Variants in TENM2 observed in about 807,000 individuals in gnomAD.
The protein encoded by TENM2 is teneurin-2.
TENM2 carries 52 observed loss-of-function variants against 245.2 expected under a neutral mutation model. The observed-to-expected ratio is 0.21, with a 90% confidence interval of 0.17 to 0.27. TENM2 has a LOEUF of 0.27. TENM2 is among the 10% of genes least tolerant of loss of function. The probability of loss-of-function intolerance (pLI) is 1.00; values close to 1 mark genes in which losing one functional copy is unlikely to be tolerated. For missense variants in TENM2, 3,046 were observed against 3,666.8 expected (o/e 0.83, Z 4.37); for synonymous variants, 1,363 against 1,438.9 (o/e 0.95, Z 1.19).
intron 2 of TENM2, among the ~76,000 whole-genome samples, chr5:167,864,598 A>G (rs1772136657): frequency 6.6e-6 from 1 of 152,220 alleles, no homozygotes; most frequent in African/African-American, 2.4e-5. Context: ...TTCAATGCCA[A>G]TCACATTGTT....
At chr5:167,886,116 A>G (rs1238302417) in intron 3 of TENM2, among the ~76,000 whole-genome samples, 2 of 152,162 alleles carry the variant, frequency 1.3e-5, no homozygotes, top group East Asian at 3.9e-4. Flanking sequence ...TGGCTAGAGG[A>G]CATGGACACC....
intron 1 of TENM2, among the ~76,000 whole-genome samples, chr5:167,357,842 C>T (rs1286066032): frequency 6.6e-6 from 1 of 152,124 alleles, no homozygotes; most frequent in Non-Finnish European, 1.5e-5. Context: ...AAGCCTCCAG[C>T]ACCTCCTCCT....
rs77821922 is a variant in TENM2 at position 168,210,975 on chromosome 5, A to G, written c.3825-759A>G. Among the ~76,000 whole-genome samples, 139 of 152,370 alleles carry G rather than the reference A, an allele frequency of 9.1e-4. No individual in the cohort carries two copies. The East Asian group carries it at 0.023, about 25-fold the overall frequency. On this transcript the variant is annotated intron_variant, in intron 19 of 28. Transcript: ENST00000518659. ...CAAAATTTTTACTAGTTCTCTGATA[A>G]GAAATGATAACTGGAGTCTTTGACT...
chr5:168,223,269 C>A (rs573264984), intron 23 of TENM2, among the ~76,000 whole-genome samples: 1 of 152,228 alleles, frequency 6.6e-6, no homozygotes, highest in East Asian at 1.9e-4. Context: ...TGTAAGTGTC[C>A]CCAAACTACA....
chr5:167,915,223 C>T lies in TENM2; in HGVS notation c.713-37365C>T, dbSNP rs150780085. On this transcript the variant is annotated intron_variant, in intron 3 of 28. Coordinates refer to ENST00000518659, the Ensembl canonical transcript of TENM2. ...GATGCTAACATCTCAATGTCCATTA[C>T]TGCAAAAAAAGGTAGACCCCAAATG... Among the ~76,000 whole-genome samples, 1,468 of 152,082 alleles carry T rather than the reference C, an allele frequency of 9.7e-3. 7 individuals are homozygous for T. The highest frequency in any genetic ancestry group is 0.017 in the Middle Eastern group (5 of 294).
At position 168,037,634 on chromosome 5, in the gene TENM2, A is replaced by G. The variant is rs547301487; in HGVS notation, c.1187-9793A>G. Among the ~76,000 whole-genome samples, 24 of 150,924 alleles carry G rather than the reference A, an allele frequency of 1.6e-4. No individual in the cohort carries two copies. In the East Asian group the frequency reaches 4.5e-3, roughly 28 times the overall value. On this transcript the variant is annotated intron_variant, in intron 5 of 28. Transcript: ENST00000518659. ...ATAAAAATATTAAGCGGGTAAGAGG[A>G]GGAGGCTTCTCTGAAGTCCACCTCA...
intron 2 of TENM2, among the ~76,000 whole-genome samples, chr5:167,804,547 C>T (rs374883093): frequency 2.6e-5 from 4 of 152,100 alleles, no homozygotes; most frequent in East Asian, 1.9e-4. Context: ...ATTTCCTTTA[C>T]GTGCATTATC....
chr5:168,111,362 G>T (rs879861842), intron 9 of TENM2, among the ~76,000 whole-genome samples: 2 of 152,130 alleles, frequency 1.3e-5, no homozygotes, highest in African/African-American at 4.8e-5. Context: ...CTCTCTTCAC[G>T]GGGGTCCTGC....
intron 6 of TENM2, among the ~76,000 whole-genome samples, chr5:168,057,960 G>A (rs1396179813): frequency 2.0e-5 from 3 of 152,106 alleles, no homozygotes; most frequent in Non-Finnish European, 4.4e-5. Context: ...GCCTGGGTGC[G>A]AGCCTGGTTG....
At chr5:168,114,480 C>A (rs1328061803) in intron 9 of TENM2, among the ~76,000 whole-genome samples, 1 of 152,168 alleles carries the variant, frequency 6.6e-6, no homozygotes, top group Non-Finnish European at 1.5e-5. Context: ...TCACATCCAG[C>A]CTCTTGAACA....
intron 2 of TENM2, among the ~76,000 whole-genome samples, chr5:167,390,023 A>G (rs1481633819): frequency 6.6e-6 from 1 of 152,044 alleles, no homozygotes; most frequent in Admixed American, 6.6e-5. Flanking sequence ...TCCCAGATCA[A>G]TGTCTACAGT....
intron 2 of TENM2, among the ~76,000 whole-genome samples, chr5:167,532,263 A>T (rs1226307129): frequency 6.6e-6 from 1 of 152,120 alleles, no homozygotes; most frequent in African/African-American, 2.4e-5. Flanking sequence ...ATTAGAATTT[A>T]TATATACAAC....
At chr5:167,614,284 C>T (rs1215758830) in intron 2 of TENM2, among the ~76,000 whole-genome samples, 1 of 152,102 alleles carries the variant, frequency 6.6e-6, no homozygotes, top group Non-Finnish European at 1.5e-5. Flanking sequence ...TATCTGTCTG[C>T]AAGCCATTTT....
chr5:167,222,509 A>G, the TENM2 span, among the ~76,000 whole-genome samples: 1 of 152,202 alleles, frequency 6.6e-6, no homozygotes, highest in African/African-American at 2.4e-5. Context: ...CATAAAATAC[A>G]TTGTTAGATA....
chr5:167,876,083 G>A, exon 3 of TENM2: 3 of 1,551,336 alleles, frequency 1.9e-6, no homozygotes, highest in Non-Finnish European at 2.6e-6. Context: ...AGATGCCATT[G>A]CTAGACAGCA....
intron 3 of TENM2, among the ~76,000 whole-genome samples, chr5:167,877,610 C>T (rs1773536531): frequency 6.6e-6 from 1 of 152,142 alleles, no homozygotes; most frequent in Non-Finnish European, 1.5e-5. Flanking sequence ...AGCATAACCA[C>T]ACAGTAAATG....
chr5:167,561,606 G>C (rs1179777081), intron 2 of TENM2, among the ~76,000 whole-genome samples: 1 of 152,168 alleles, frequency 6.6e-6, no homozygotes, highest in African/African-American at 2.4e-5. Context: ...AAAAATCAGA[G>C]ATGCTGCAAG....
chr5:167,673,953 G>T (rs1160894329), intron 2 of TENM2, among the ~76,000 whole-genome samples: 1 of 152,086 alleles, frequency 6.6e-6, no homozygotes, highest in Non-Finnish European at 1.5e-5. Context: ...ATGGTGAGAG[G>T]CTGTGTAGAA....
intron 2 of TENM2, among the ~76,000 whole-genome samples, chr5:167,646,955 G>A (rs1780009612): frequency 6.6e-6 from 1 of 152,174 alleles, no homozygotes; most frequent in Non-Finnish European, 1.5e-5. Context: ...CAATTGAAAA[G>A]CCATTAAATA....
Sources: gnomAD v4.1 joint callset for allele counts (sites outside exome capture counted in the v4.1 genomes callset) on GRCh38, gnomAD v4.1.1 for gene constraint, MANE v1.5 for transcripts, NCBI Gene and HGNC (gene_info 2026-07-23, HGNC 2026-07-21) for gene names.